AVEN: variants seen among roughly 807,000 people sequenced by gnomAD.
The protein encoded by AVEN is cell death regulator Aven.
Under a neutral mutation model 38.1 loss-of-function variants are expected in AVEN, and 41 were observed. The ratio of observed to expected loss-of-function variants is 1.08; its 90% CI spans 0.84 to 1.40. The LOEUF (loss-of-function observed/expected upper bound fraction) is 1.40, where lower values mean the gene tolerates loss of function less well. Ranked by LOEUF, AVEN falls within the 40% of genes most tolerant of loss-of-function variation. The pLI is 0.00. For synonymous variants in AVEN, 206 were observed against 171.8 expected (o/e 1.20, Z -1.56); for missense variants, 605 against 438.8 (o/e 1.38, Z -3.38).
At chr15:33,865,469 T>C (rs1597154286), downstream of AVEN, 2 of 450,080 alleles carry the variant, frequency 4.4e-6, no homozygotes, top group Non-Finnish European at 7.9e-6. Flanking sequence ...AAGTAATCTC[T>C]AGGCAAATGC....
At chr15:34,037,135 T>G (rs1311048143) in intron 1 of AVEN, among the ~76,000 whole-genome samples, 1 of 151,210 alleles carries the variant, frequency 6.6e-6, no homozygotes, top group African/African-American at 2.4e-5. Context: ...ATATATACCA[T>G]CATTTCACCC....
chr15:33,854,331 T>C, downstream of AVEN: 4 of 1,414,790 alleles, frequency 2.8e-6, no homozygotes, highest in Non-Finnish European at 2.9e-6. Flanking sequence ...TCCCCCTTAT[T>C]GAGCACTTAA....
chr15:34,054,497 TA>T (rs1412851693), intron 5 of AVEN, among the ~76,000 whole-genome samples: 1 of 152,100 alleles, frequency 6.6e-6, no homozygotes, highest in Non-Finnish European at 1.5e-5. Flanking sequence ...TATGCAGCCA[TA>T]AAAAGGAACA....
At chr15:33,920,803 T>G (rs1364316324) in intron 2 of AVEN, among the ~76,000 whole-genome samples, 1 of 152,144 alleles carries the variant, frequency 6.6e-6, no homozygotes, top group Non-Finnish European at 1.5e-5. Context: ...TCTTGCTCTG[T>G]TGCCCAGGCT....
intron 2 of AVEN, among the ~76,000 whole-genome samples, chr15:33,979,337 T>C (rs1896033052): frequency 6.6e-6 from 1 of 151,982 alleles, no homozygotes; most frequent in Non-Finnish European, 1.5e-5. Flanking sequence ...GCCTGGGCAA[T>C]ATGGCAAAAC....
At chr15:33,864,096 G>A (rs539694577), downstream of AVEN, 1 of 1,485,702 alleles carries the variant, frequency 6.7e-7, no homozygotes, top group Non-Finnish European at 9.3e-7. Flanking sequence ...ATGAACTTGG[G>A]TCTTGACCAG....
chr15:33,943,431 T>C (rs1017993359), intron 2 of AVEN, among the ~76,000 whole-genome samples: 2 of 151,534 alleles, frequency 1.3e-5, no homozygotes, highest in South Asian at 4.2e-4. Context: ...GAAAGTACAA[T>C]GAAGGCTGTC....
At chr15:33,919,354 G>C (rs940714063) in intron 2 of AVEN, among the ~76,000 whole-genome samples, 1 of 152,142 alleles carries the variant, frequency 6.6e-6, no homozygotes, top group African/African-American at 2.4e-5. Context: ...ATACAGCAAA[G>C]GGAAATCTAG....
chr15:34,039,100 C>T lies in AVEN; in HGVS notation c.-54G>A. The T allele has an allele frequency of 9.4e-7, 1 of 1,066,322 alleles. No individual in the cohort carries two copies. 66.1% of individuals were successfully genotyped at this position (1,066,322 alleles called of 1,614,324 possible). ...CGGGAGCCGAGCTGCGGCGGAGACG[C>T]CCTGGCCCCACCGGAAGCGGGCCGC... On this transcript the variant is annotated 5_prime_UTR_variant, in exon 1 of 6. Coordinates refer to ENST00000306730, the MANE Select transcript of AVEN (RefSeq NM_020371.3).
At chr15:33,975,786 C>T (rs1487437458) in intron 2 of AVEN, among the ~76,000 whole-genome samples, 1 of 152,036 alleles carries the variant, frequency 6.6e-6, no homozygotes, top group Non-Finnish European at 1.5e-5. Context: ...AAAAATTAGC[C>T]GGGCGTGGTG....
chr15:33,892,368 G>A (rs948005385), intron 2 of AVEN, among the ~76,000 whole-genome samples: 2 of 152,284 alleles, frequency 1.3e-5, no homozygotes, highest in East Asian at 3.9e-4. Flanking sequence ...AGGTCTAACA[G>A]TTAAGTCTTT....
At chr15:33,863,354 G>A (rs1475068717), downstream of AVEN, among the ~76,000 whole-genome samples, 2 of 152,126 alleles carry the variant, frequency 1.3e-5, no homozygotes, top group Non-Finnish European at 2.9e-5. Context: ...CTGCTACTGT[G>A]GGCCAGGACC....
rs905217741 is a variant in AVEN, at chr15:33,866,349, G to C, written c.*264C>G. The C allele has an allele frequency of 1.8e-5, 9 of 499,410 alleles. No homozygotes were observed. The highest frequency in any genetic ancestry group is 2.9e-5 in the South Asian group (1 of 34,496). 30.9% of individuals were successfully genotyped at this position (499,410 alleles called of 1,614,324 possible). The stretch of plus-strand genomic sequence containing the variant: ...CTATGTTGTAAACACTGCAAGGAAG[G>C]AGGCTAGAAACAAGGGCCAGAGTCT... On this transcript the variant is annotated 3_prime_UTR_variant, in exon 6 of 6. Transcript: ENST00000306730.
chr15:33,948,712 G>A lies in AVEN; in HGVS notation c.445+54320C>T, dbSNP rs147104890. Among the ~76,000 whole-genome samples, 425 of 151,710 alleles carry A rather than the reference G, an allele frequency of 2.8e-3. 3 individuals carry two copies. The highest frequency in any genetic ancestry group is 9.2e-3 in the African/African-American group (381 of 41,382). ...TTTTAAGACAGAGTCTCACTCTGTC[G>A]CCCAGGCTGGAGTGCAGTGGCACAA... is the stretch of plus-strand genomic sequence containing the variant. On this transcript the variant is annotated intron_variant, in intron 2 of 5. Transcript: ENST00000306730.
In AVEN at chr15:33,962,916, T is replaced by C. The variant is rs568905936; in HGVS notation, c.445+40116A>G. Reference sequence around the variant, plus strand: ...GCCTGGGCGACACAGCGAAACTCGTTCTCAAAAAAAAAAAAAAAAAAAAAA... The same window carrying C: ...GCCTGGGCGACACAGCGAAACTCGTCCTCAAAAAAAAAAAAAAAAAAAAAA... On this transcript the variant is annotated intron_variant, in intron 2 of 5. Transcript: ENST00000306730. Among the ~76,000 whole-genome samples the C allele has an allele frequency of 7.3e-3, 522 of 71,990 alleles. 6 individuals carry two copies. The highest frequency in any genetic ancestry group is 9.7e-3 in the Non-Finnish European group (404 of 41,648). 47.2% of individuals were successfully genotyped at this position (71,990 alleles called of 152,430 possible).
chr15:34,001,493 G>C (rs191489390), intron 2 of AVEN, among the ~76,000 whole-genome samples: 31 of 152,212 alleles, frequency 2.0e-4, no homozygotes, highest in Admixed American at 1.8e-3. Flanking sequence ...CAGCTGTTGA[G>C]AATTAAAACT....
In AVEN at chr15:33,979,602, G is replaced by A. The variant is rs974721545; in HGVS notation, c.445+23430C>T. The stretch of plus-strand genomic sequence containing the variant: ...CCTTAAGTTAAACCTCAACCTTTAT[G>A]AGCCTCGGTTTCCTCCTTTAAAAAA... On this transcript the variant is annotated intron_variant, in intron 2 of 5. Transcript: ENST00000306730. 3.3e-5 allele frequency among the ~76,000 whole-genome samples: 5 copies of A among 152,160 alleles called. No individual in the cohort carries two copies. The East Asian group carries it at 5.8e-4, about 18-fold the overall frequency.
At chr15:33,942,500 G>C (rs1273907947) in intron 2 of AVEN, among the ~76,000 whole-genome samples, 1 of 151,868 alleles carries the variant, frequency 6.6e-6, no homozygotes, top group East Asian at 1.9e-4. Context: ...GCCCAGGCTG[G>C]AGTGCAGTGG....
intron 2 of AVEN, among the ~76,000 whole-genome samples, chr15:33,949,317 G>A (rs905350062): frequency 2.0e-5 from 3 of 152,210 alleles, no homozygotes; most frequent in African/African-American, 7.2e-5. Flanking sequence ...ACCGCGCCCA[G>A]CCAAATAAGT....
Sources: allele counts gnomAD v4.1 joint callset (sites outside exome capture counted in the v4.1 genomes callset), GRCh38; gene constraint gnomAD v4.1.1; transcripts MANE v1.5; gene names NCBI Gene and HGNC (gene_info 2026-07-23, HGNC 2026-07-21).